CORO1C: variants seen among roughly 807,000 people sequenced by gnomAD.
The protein encoded by CORO1C is coronin-1C.
CORO1C carries 14 observed loss-of-function variants against 51.2 expected under a neutral mutation model. That is an observed-to-expected ratio of 0.27 (90% CI 0.18 to 0.43). The LOEUF (loss-of-function observed/expected upper bound fraction) is 0.43, where lower values mean the gene tolerates loss of function less well. Among genes scored for constraint, CORO1C ranks in the 20% least tolerant of loss-of-function variants. The pLI is 1.00. For missense variants in CORO1C, 417 were observed against 607.8 expected (o/e 0.69, Z 3.30); for synonymous variants, 181 against 210.5 (o/e 0.86, Z 1.21).
chr12:108,706,218 T>C (rs1218271929), intron 1 of CORO1C, among the ~76,000 whole-genome samples: 2 of 147,580 alleles, frequency 1.4e-5, no homozygotes, highest in African/African-American at 5.0e-5. Context: ...AAAAAAAGCA[T>C]TTGACAAAAT....
rs1427756412 is a variant in CORO1C, at chr12:108,652,384, C to A, written c.889G>T (p.Asp297Tyr). Reference sequence around the variant, plus strand: ...AGGTAGTGGACGTACGGGGATTCATCCGTGATCTCAAAATAGCGAATACTG... The same window carrying A: ...AGGTAGTGGACGTACGGGGATTCATACGTGATCTCAAAATAGCGAATACTG... ...DSSIRYFEIT[D>Y]ESPYVHYLNT... The change falls in exon 8 of 11, where the codon GAT becomes TAT. Residue 297 changes from aspartate to tyrosine, a missense_variant. Transcript: ENST00000261401. 1 of 1,613,786 alleles carries A rather than the reference C, an allele frequency of 6.2e-7. No individual in the cohort carries two copies. Among genetic ancestry groups the A allele is most frequent in the South Asian group, 1.1e-5 (1 of 91,062 alleles).
intron 1 of CORO1C, among the ~76,000 whole-genome samples, chr12:108,718,223 G>A (rs935143549): frequency 6.6e-6 from 1 of 152,114 alleles, no homozygotes; most frequent in Non-Finnish European, 1.5e-5. Context: ...CGTGGCAGTG[G>A]GTGCCTGTAG....
At chr12:108,652,441 T>A (rs551622357) in intron 7 of CORO1C, 24 bp from the exon 8 acceptor site, 1 of 1,601,980 alleles carries the variant, frequency 6.2e-7, no homozygotes, top group African/African-American at 1.3e-5. Flanking sequence ...GAGACAAGTC[T>A]GTGTCTGATT....
chr12:108,701,442 TA>T (rs1348495913), intron 1 of CORO1C, 119 bp from the exon 2 acceptor site: 2 of 1,486,440 alleles, frequency 1.3e-6, no homozygotes, highest in Admixed American at 2.1e-5. Flanking sequence ...TCTGCTCTCC[TA>T]AAAAGTAGCC....
intron 1 of CORO1C, among the ~76,000 whole-genome samples, chr12:108,706,877 C>A (rs1374429940): frequency 6.6e-6 from 1 of 152,160 alleles, no homozygotes; most frequent in Non-Finnish European, 1.5e-5. Context: ...AGCTACCATG[C>A]CTAGCCGTAT....
intron 2 of CORO1C, among the ~76,000 whole-genome samples, chr12:108,684,914 A>ATTGTT (rs1722566430): frequency 6.6e-6 from 1 of 152,126 alleles, no homozygotes; most frequent in Admixed American, 6.6e-5. Flanking sequence ...TTCTACCTGA[A>ATTGTT]TTGTTTTGTT....
At chr12:108,703,164 G>A (rs979051556) in intron 1 of CORO1C, 1 of 414,590 alleles carries the variant, frequency 2.4e-6, no homozygotes, top group African/African-American at 2.0e-5. Context: ...ATCTGTACAA[G>A]TTATAGAAGC....
chr12:108,695,110 T>C (rs1007739744), intron 2 of CORO1C, among the ~76,000 whole-genome samples: 16 of 152,342 alleles, frequency 1.1e-4, no homozygotes, highest in African/African-American at 3.6e-4. Flanking sequence ...ATGGCTTTAC[T>C]AGGGCTGCAG....
intron 2 of CORO1C, among the ~76,000 whole-genome samples, chr12:108,683,394 G>A (rs1353412700): frequency 1.1e-4 from 17 of 150,188 alleles, no homozygotes; most frequent in South Asian, 4.2e-4. Context: ...ACTCCAGTCC[G>A]GGCAACAGTG....
At chr12:108,669,632 C>T (rs916562995) in intron 3 of CORO1C, among the ~76,000 whole-genome samples, 1 of 126,986 alleles carries the variant, frequency 7.9e-6, no homozygotes, top group South Asian at 2.6e-4. Context: ...TGAGCTACTA[C>T]CAATAGCCTA....
At chr12:108,649,399 T>C (rs1011808642) in intron 8 of CORO1C, 9 of 267,452 alleles carry the variant, frequency 3.4e-5, no homozygotes, top group South Asian at 2.0e-4. Flanking sequence ...ATCTGTTAGA[T>C]TGTATCTACA....
chr12:108,694,279 CAAAAAAAAAAAA>C (rs60647143), intron 2 of CORO1C, among the ~76,000 whole-genome samples: 2 of 66,228 alleles, frequency 3.0e-5, no homozygotes, highest in Middle Eastern at 9.6e-3. Context: ...AAGACTGTCT[CAAAAAAAAAAAA>C]AAAAAAAAAA....
chr12:108,703,386 C>T (rs1420861393), intron 1 of CORO1C, among the ~76,000 whole-genome samples: 1 of 152,100 alleles, frequency 6.6e-6, no homozygotes, highest in African/African-American at 2.4e-5. Context: ...TTCCTAAAAT[C>T]CTAATAAAAT....
chr12:108,713,796 C>T (rs1053320896), intron 1 of CORO1C, among the ~76,000 whole-genome samples: 1 of 152,244 alleles, frequency 6.6e-6, no homozygotes. Context: ...ATCATATATA[C>T]AATTCAGTTT....
intron 8 of CORO1C, among the ~76,000 whole-genome samples, chr12:108,651,876 T>C (rs554553284): frequency 3.3e-5 from 5 of 152,092 alleles, no homozygotes; most frequent in East Asian, 1.9e-4. Context: ...AAAAGTGAGA[T>C]GTGCCGGGTG....
chr12:108,649,115 G>C (rs1476065356), intron 8 of CORO1C, 95 bp from the exon 9 acceptor site: 1 of 1,432,200 alleles, frequency 7.0e-7, no homozygotes, highest in Non-Finnish European at 9.7e-7. Context: ...TGTCTGAAAT[G>C]TCAAGTGCTT....
chr12:108,663,147 G>C (rs1322995511), intron 3 of CORO1C, among the ~76,000 whole-genome samples: 2 of 152,216 alleles, frequency 1.3e-5, no homozygotes, highest in South Asian at 2.1e-4. Flanking sequence ...AGGATGGCTA[G>C]AATCAAAAAG....
chr12:108,689,857 AACT>A (rs1280636211), intron 2 of CORO1C, among the ~76,000 whole-genome samples: 11 of 152,324 alleles, frequency 7.2e-5, no homozygotes, highest in Admixed American at 2.0e-4. Context: ...AGAATTCTTC[AACT>A]CAGCAAGGAG....
At chr12:108,718,478 G>A (rs1211942862) in intron 1 of CORO1C, among the ~76,000 whole-genome samples, 1 of 151,968 alleles carries the variant, frequency 6.6e-6, no homozygotes, top group Non-Finnish European at 1.5e-5. Flanking sequence ...GGAGGCAGAG[G>A]TTGCAGTGAG....
Sources: gnomAD v4.1 joint callset for allele counts (sites outside exome capture counted in the v4.1 genomes callset) on GRCh38, gnomAD v4.1.1 for gene constraint, MANE v1.5 for transcripts, NCBI Gene and HGNC (gene_info 2026-07-23, HGNC 2026-07-21) for gene names.